ADAM32: variants seen among roughly 807,000 people sequenced by gnomAD.
The protein encoded by ADAM32 is ADAM metallopeptidase domain 32.
Under a neutral mutation model 114.9 loss-of-function variants are expected in ADAM32, and 89 were observed. The ratio of observed to expected loss-of-function variants is 0.77; its 90% CI spans 0.65 to 0.92. The LOEUF (loss-of-function observed/expected upper bound fraction) is 0.92. Among genes scored for constraint, ADAM32 ranks in the 40% least tolerant of loss-of-function variants. The pLI is 0.00. For synonymous variants in ADAM32, 285 were observed against 307.5 expected, an observed-to-expected ratio of 0.93 and a Z score of 0.77; for missense variants, 870 against 932.8, an observed-to-expected ratio of 0.93 and a Z score of 0.88.
intron 1 of ADAM32, among the ~76,000 whole-genome samples, chr8:39,117,176 C>T (rs1290421879): frequency 6.6e-6 from 1 of 152,184 alleles, no homozygotes; most frequent in Non-Finnish European, 1.5e-5. Context: ...GCCACCATGC[C>T]CGGCCCTGTT....
chr8:39,275,101 C>T (rs954365982), intron 21 of ADAM32, among the ~76,000 whole-genome samples: 2 of 152,212 alleles, frequency 1.3e-5, no homozygotes, highest in Admixed American at 1.3e-4. Flanking sequence ...TTCCCTGATG[C>T]ATCTCTGTGT....
At chr8:39,276,123 G>T in intron 22 of ADAM32, 1 of 368,400 alleles carries the variant, frequency 2.7e-6, no homozygotes, top group South Asian at 1.3e-4. Flanking sequence ...AAACATTTTT[G>T]GTGAAATGTT....
At chr8:39,134,417 T>C (rs1318584238) in intron 2 of ADAM32, among the ~76,000 whole-genome samples, 2 of 152,092 alleles carry the variant, frequency 1.3e-5, no homozygotes, top group African/African-American at 4.8e-5. Context: ...TGCTTGCTTC[T>C]TCCCTACAAT....
At chr8:39,234,212 CTTAAA>C in intron 16 of ADAM32, 130 bp downstream of exon 16, 1 of 694,056 alleles carries the variant, frequency 1.4e-6, no homozygotes. Context: ...AATGAATGAT[CTTAAA>C]TTAGTCTCCA....
intron 17 of ADAM32, among the ~76,000 whole-genome samples, chr8:39,251,309 CT>C (rs1364975964): frequency 3.5e-4 from 53 of 151,706 alleles, no homozygotes; most frequent in South Asian, 1.7e-3. Flanking sequence ...TGAGTCTTTC[CT>C]TTTCTCCACA....
chr8:39,258,498 A>G (rs1811806568), intron 19 of ADAM32, among the ~76,000 whole-genome samples: 1 of 152,120 alleles, frequency 6.6e-6, no homozygotes, highest in East Asian at 1.9e-4. Context: ...TAAATAATGA[A>G]TCAATTGTAA....
intron 22 of ADAM32, among the ~76,000 whole-genome samples, chr8:39,278,695 A>C (rs1376789518): frequency 1.3e-5 from 2 of 151,662 alleles, no homozygotes; most frequent in Non-Finnish European, 2.9e-5. Flanking sequence ...AATACCTGCT[A>C]AGAGCTTAAA....
chr8:39,127,344 C>G (rs762035245), intron 2 of ADAM32, among the ~76,000 whole-genome samples: 4 of 152,120 alleles, frequency 2.6e-5, no homozygotes, highest in Admixed American at 6.5e-5. Context: ...TTATTTCTGC[C>G]TCACTTTCAG....
intron 20 of ADAM32, among the ~76,000 whole-genome samples, chr8:39,272,042 G>C (rs1037117174): frequency 2.2e-5 from 3 of 138,068 alleles, no homozygotes; most frequent in African/African-American, 8.0e-5. Flanking sequence ...TGAGGTGGGA[G>C]GATTCATTTA....
At chr8:39,147,984 G>A (rs1002562292) in intron 4 of ADAM32, among the ~76,000 whole-genome samples, 5 of 151,800 alleles carry the variant, frequency 3.3e-5, no homozygotes, top group African/African-American at 9.7e-5. Flanking sequence ...TCACCATGTT[G>A]GCCAGGCTTG....
At chr8:39,173,758 G>A (rs1169748579) in intron 10 of ADAM32, among the ~76,000 whole-genome samples, 4 of 151,862 alleles carry the variant, frequency 2.6e-5, no homozygotes, top group Admixed American at 6.6e-5. Context: ...CCTGAATGAC[G>A]TTGCCTAGAT....
intron 16 of ADAM32, among the ~76,000 whole-genome samples, chr8:39,243,654 C>T (rs543673902): frequency 1.3e-5 from 2 of 152,176 alleles, no homozygotes; most frequent in East Asian, 3.9e-4. Flanking sequence ...CTGTATATGC[C>T]AAAGCCGCAG....
At chr8:39,231,054 T>C (rs1809703354) in intron 14 of ADAM32, among the ~76,000 whole-genome samples, 1 of 152,164 alleles carries the variant, frequency 6.6e-6, no homozygotes, top group Non-Finnish European at 1.5e-5. Flanking sequence ...AATATATGAT[T>C]GAATATCAAT....
At chr8:39,283,555 G>T (rs760121421) in intron 23 of ADAM32, 31 bp from the exon 24 acceptor site, 1 of 1,548,412 alleles carries the variant, frequency 6.5e-7, no homozygotes, top group African/African-American at 1.4e-5. Context: ...TATTATATCA[G>T]CCTAAAAATG....
chr8:39,281,923 A>G (rs191988307), intron 23 of ADAM32, among the ~76,000 whole-genome samples: 1 of 152,252 alleles, frequency 6.6e-6, no homozygotes, highest in African/African-American at 2.4e-5. Context: ...GCTACACCAA[A>G]ACATTATATG....
At chr8:39,114,622 G>A (rs879498042) in intron 1 of ADAM32, among the ~76,000 whole-genome samples, 6 of 152,180 alleles carry the variant, frequency 3.9e-5, no homozygotes, top group Non-Finnish European at 7.4e-5. Context: ...ACCTGTCTCT[G>A]AGAGTCAATT....
intron 6 of ADAM32, among the ~76,000 whole-genome samples, chr8:39,157,204 TGTTTTCAAG>T (rs1408690515): frequency 6.6e-6 from 1 of 152,226 alleles, no homozygotes; most frequent in Non-Finnish European, 1.5e-5. Context: ...TTTCTCTTGC[TGTTTTCAAG>T]GTTCTCTTTT....
At chr8:39,220,338 A>T (rs1564625255) in intron 12 of ADAM32, among the ~76,000 whole-genome samples, 1 of 152,110 alleles carries the variant, frequency 6.6e-6, no homozygotes, top group Admixed American at 6.5e-5. Flanking sequence ...TTTGTTACAT[A>T]TAAGATGGAT....
chr8:39,141,093 T>A (rs1803124634), intron 3 of ADAM32, among the ~76,000 whole-genome samples: 1 of 152,192 alleles, frequency 6.6e-6, no homozygotes, highest in Non-Finnish European at 1.5e-5. Context: ...TCTTCTTTAT[T>A]AGTCTTGCTA....
Sources: allele counts gnomAD v4.1 joint callset (sites outside exome capture counted in the v4.1 genomes callset), GRCh38; gene constraint gnomAD v4.1.1; transcripts MANE v1.5; gene names NCBI Gene and HGNC (gene_info 2026-07-23, HGNC 2026-07-21).